The following ITGAD variants were observed in gnomAD, a reference collection of about 807,000 sequenced individuals.
The protein encoded by ITGAD is integrin alpha-D.
Under a neutral mutation model 139.0 loss-of-function variants are expected in ITGAD, and 105 were observed. The observed-to-expected ratio is 0.76, with a 90% confidence interval of 0.65 to 0.89. The LOEUF (loss-of-function observed/expected upper bound fraction) is 0.89, where lower values mean the gene tolerates loss of function less well. Among genes scored for constraint, ITGAD ranks in the 40% least tolerant of loss-of-function variants. The pLI, the probability that ITGAD is intolerant of heterozygous loss-of-function variation, is 0.00. For missense variants in ITGAD, 1,384 were observed against 1,487.3 expected (o/e 0.93, Z 1.14); for synonymous variants, 569 against 598.3 (o/e 0.95, Z 0.71).
intron 17 of ITGAD, 45 bp from the exon 18 acceptor site, chr16:31,414,815 A>C: frequency 6.2e-7 from 1 of 1,604,270 alleles, no homozygotes; most frequent in Non-Finnish European, 8.5e-7. Flanking sequence ...CTTGTGGTGG[A>C]GCGTAGAGAG....
chr16:31,403,273 A>G lies in ITGAD; in HGVS notation c.559-227A>G. 1 of 483,776 alleles carries G rather than the reference A, an allele frequency of 2.1e-6. No individual in the cohort carries two copies. The highest frequency in any genetic ancestry group is 3.7e-6 in the Non-Finnish European group (1 of 272,222). 30.0% of individuals were successfully genotyped at this position (483,776 alleles called of 1,614,324 possible). A position where few individuals can be genotyped will look rare whatever the true frequency, so the allele number is the denominator to read the frequency against. ...AGTATTGCTTGAGGCCAAGAGTTCG[A>G]GACCAGCCTGGGCAACATAGTGAGA... On this transcript the variant is annotated intron_variant, in intron 6 of 29. Transcript: ENST00000389202. The surrounding 1 kb of genome is among the most constrained non-coding windows in gnomAD (Gnocchi z 4.4).
chr16:31,401,274 GA>G, intron 5 of ITGAD, among the ~76,000 whole-genome samples: 1 of 152,152 alleles, frequency 6.6e-6, no homozygotes, highest in East Asian at 1.9e-4. Context: ...AACAAAAAAT[GA>G]AAAAACCAGA....
chr16:31,411,416 A>T lies in ITGAD; in HGVS notation c.1606A>T (p.Ile536Leu), dbSNP rs1180001969. ...GGGGGATGTGAATGAGGACAAGCTG[A>T]TAGACGTGGCCATTGGGGCCCCGGG... ...VLGDVNEDKL[I>L]DVAIGAPGEQ... Residue 536 changes from isoleucine (I) to leucine (L), a missense_variant, in exon 14 of 30, where the codon ATA (isoleucine) becomes TTA (leucine). Transcript: ENST00000389202. The T allele has an allele frequency of 6.2e-7, 1 of 1,613,922 alleles. No individual in the cohort carries two copies. The highest frequency in any genetic ancestry group is 8.5e-7 in the Non-Finnish European group (1 of 1,179,954).
At chr16:31,405,640 CTTT>C (rs569550173) in intron 7 of ITGAD, among the ~76,000 whole-genome samples, 74 of 103,978 alleles carry the variant, frequency 7.1e-4, no homozygotes, top group African/African-American at 2.6e-3. Context: ...TTTTGTTTTC[CTTT>C]TTTTTTTTTT....
intron 10 of ITGAD, among the ~76,000 whole-genome samples, chr16:31,410,150 T>A (rs2081647490): frequency 6.6e-6 from 1 of 151,794 alleles, no homozygotes; most frequent in Non-Finnish European, 1.5e-5. Flanking sequence ...AGCCTGGCAC[T>A]GGGGCAGTAG....
At chr16:31,405,817 AT>A (rs2081525709) in intron 7 of ITGAD, among the ~76,000 whole-genome samples, 1 of 151,536 alleles carries the variant, frequency 6.6e-6, no homozygotes, top group African/African-American at 2.4e-5. Context: ...TTTAAAAAAC[AT>A]TTTTTGTAGA....
chr16:31,409,242 C>T (rs902077149), intron 10 of ITGAD, among the ~76,000 whole-genome samples: 2 of 152,028 alleles, frequency 1.3e-5, no homozygotes, highest in African/African-American at 4.8e-5. Context: ...TTGCACTGAG[C>T]CGAGATTGTG....
At chr16:31,408,319 A>C (rs2081591845) in intron 9 of ITGAD, 106 bp from the exon 10 acceptor site, 1 of 948,990 alleles carries the variant, frequency 1.1e-6, no homozygotes, top group Admixed American at 1.9e-5. Flanking sequence ...ACTCACTCAA[A>C]ATTGCTGTCT....
chr16:31,418,555 T>C lies in ITGAD; in HGVS notation c.2771T>C (p.Met924Thr), dbSNP rs746648683. The change falls in exon 23 of 30, where the codon ATG becomes ACG. Residue 924 changes from methionine to threonine, a missense_variant. Transcript: ENST00000389202. The stretch of plus-strand genomic sequence containing the variant: ...CCGGTGAAGTATGCAGTCTACACCA[T>C]GATCAGCAGGTGCCCAGTCCCTGGC... ...ELPVKYAVYT[M>T]ISRQEESTKY... is the part of the protein sequence containing the mutation. 8.1e-6 allele frequency: 13 copies of C among 1,613,826 alleles called. No individual in the cohort carries two copies. In the South Asian group the frequency reaches 8.8e-5, roughly 11 times the overall value.
At chr16:31,419,205 A>C (rs1318071535) in intron 23 of ITGAD, among the ~76,000 whole-genome samples, 2 of 152,086 alleles carry the variant, frequency 1.3e-5, no homozygotes, top group African/African-American at 4.8e-5. Context: ...ACAAAAAAAA[A>C]AAAAAAAGGT....
At position 31,418,392 on chromosome 16, in the gene ITGAD, C is replaced by T. The variant is rs1200621318; in HGVS notation, c.2696+12C>T. 2.5e-6 allele frequency: 4 copies of T among 1,612,868 alleles called. No individual in the cohort carries two copies. The East Asian group carries it at 6.7e-5, about 27-fold the overall frequency. On this transcript the variant is annotated intron_variant, in intron 22 of 29. Transcript: ENST00000389202. ...GCCAGTGCAAGCAGGTGGGTCCAGGCCAGGGTATCCCCCACCCTCCATCGC... is the reference window on the plus strand; with the variant it reads ...GCCAGTGCAAGCAGGTGGGTCCAGGTCAGGGTATCCCCCACCCTCCATCGC...
chr16:31,394,193 C>A, intron 1 of ITGAD, 43 bp from the exon 2 acceptor site: 1 of 1,235,842 alleles, frequency 8.1e-7, no homozygotes, highest in Non-Finnish European at 1.2e-6. Context: ...GGGATTGGGG[C>A]TTCTTTAACT....
At chr16:31,404,594 G>A (rs970651476) in intron 7 of ITGAD, 3 of 152,510 alleles carry the variant, frequency 2.0e-5, no homozygotes, top group Middle Eastern at 3.2e-3. Context: ...ACCCCTCAAA[G>A]TTCTTCCAGT....
In ITGAD at chr16:31,416,169, G is replaced by T. The variant is rs189675965; in HGVS notation, c.2284-44G>T. Reference sequence around the variant, plus strand: ...GCTTCTAAGGAGGGGCTTGGAGAAAGACTAAGATGTCAGATGGGAACAGAA... The same window carrying T: ...GCTTCTAAGGAGGGGCTTGGAGAAATACTAAGATGTCAGATGGGAACAGAA... On this transcript the variant is annotated intron_variant, in intron 18 of 29. Coordinates refer to ENST00000389202, the MANE Select transcript of ITGAD (RefSeq NM_005353.3). The T allele has an allele frequency of 1.3e-5, 19 of 1,490,494 alleles. No homozygotes were observed. In the East Asian group the frequency reaches 4.6e-4, roughly 36 times the overall value. 92.3% of individuals were successfully genotyped at this position (1,490,494 alleles called of 1,614,324 possible). A position where few individuals can be genotyped will look rare whatever the true frequency, so the allele number is the denominator to read the frequency against.
chr16:31,422,425 T>C (rs2082026109), intron 23 of ITGAD, among the ~76,000 whole-genome samples: 1 of 152,142 alleles, frequency 6.6e-6, no homozygotes, highest in African/African-American at 2.4e-5. Flanking sequence ...AGGCACTATC[T>C]TCCTTCACAT....
chr16:31,415,488 G>A (rs1239887494), intron 18 of ITGAD, among the ~76,000 whole-genome samples: 3 of 151,908 alleles, frequency 2.0e-5, no homozygotes, highest in African/African-American at 2.4e-5. Context: ...CGCCAGCCTC[G>A]CTCTCCCTTC....
rs763695550 is a variant in ITGAD, at chr16:31,418,471, C to T, written c.2697-10C>T. On this transcript the variant is annotated splice_polypyrimidine_tract_variant and intron_variant, in intron 22 of 29. Transcript: ENST00000389202. ...ATTCCTTCCCATTGGTCCCTCCTTTCTGTCTCCAGTGAGAACAATAAGGCT... is the reference window on the plus strand; with the variant it reads ...ATTCCTTCCCATTGGTCCCTCCTTTTTGTCTCCAGTGAGAACAATAAGGCT... 3 of 1,612,876 alleles carry T rather than the reference C, an allele frequency of 1.9e-6. No individual in the cohort carries two copies. The highest frequency in any genetic ancestry group is 3.3e-4 in the Middle Eastern group (2 of 6,060).
chr16:31,410,487 G>A lies in ITGAD; in HGVS notation c.1176G>A (p.Met392Ile). Reference protein sequence around the residue: ...PPNMSPTFINMSQENVDMRDS... With the variant: ...PPNMSPTFINISQENVDMRDS... ...ATATGAGCCCCACCTTCATCAACATGTCTCAGGAGAATGTGGACATGAGGG... is the reference window on the plus strand; with the variant it reads ...ATATGAGCCCCACCTTCATCAACATATCTCAGGAGAATGTGGACATGAGGG... The change falls in exon 11 of 30, where the codon ATG becomes ATA. Residue 392 changes from methionine to isoleucine, a missense_variant. Coordinates refer to ENST00000389202, the MANE Select transcript of ITGAD (RefSeq NM_005353.3). 2 of 1,613,822 alleles carry A rather than the reference G, an allele frequency of 1.2e-6. No homozygotes were observed. The highest frequency in any genetic ancestry group is 1.7e-4 in the Middle Eastern group (1 of 6,058).
At chr16:31,418,608 T>C (rs767765949) in intron 23 of ITGAD, 44 bp downstream of exon 23, 1 of 1,417,688 alleles carries the variant, frequency 7.1e-7, no homozygotes, top group Non-Finnish European at 1.0e-6. Flanking sequence ...GGCCTTCCTC[T>C]ATGCCTGGTA....
Sources: allele counts gnomAD v4.1 joint callset (sites outside exome capture counted in the v4.1 genomes callset), GRCh38; gene constraint gnomAD v4.1.1; non-coding constraint Gnocchi (gnomAD v3.1); transcripts MANE v1.5; gene names NCBI Gene and HGNC (gene_info 2026-07-23, HGNC 2026-07-21).